TRAPPC9: variants seen among roughly 807,000 people sequenced by gnomAD.
TRAPPC9 encodes the protein trafficking protein particle complex subunit 9, also known as IKK2 binding protein.
A neutral mutation model predicts 124.0 loss-of-function variants in TRAPPC9; 83 were observed. The observed-to-expected ratio is 0.67, with a 90% CI of 0.56 to 0.80. TRAPPC9 has a LOEUF of 0.80. Ranked by LOEUF, TRAPPC9 falls within the 30% of genes least tolerant of loss-of-function variation. TRAPPC9 has a pLI of 0.00. For missense variants in TRAPPC9, 1,302 were observed against 1,508.3 expected, an observed-to-expected ratio of 0.86 and a Z score of 2.27; for synonymous variants, 638 against 617.5, an observed-to-expected ratio of 1.03 and a Z score of -0.49.
chr8:139,921,669 C>T (rs1832510585), intron 19 of TRAPPC9, among the ~76,000 whole-genome samples: 1 of 149,784 alleles, frequency 6.7e-6, no homozygotes, highest in African/African-American at 2.5e-5. Context: ...TTGCAAAGAG[C>T]CAGGTGGACT....
At chr8:140,111,761 G>C (rs902737616) in intron 17 of TRAPPC9, among the ~76,000 whole-genome samples, 1 of 152,268 alleles carries the variant, frequency 6.6e-6, no homozygotes, top group African/African-American at 2.4e-5. Flanking sequence ...TCGCTGTTAA[G>C]AACAAGGCAA....
chr8:140,229,706 C>T (rs1164828313), intron 16 of TRAPPC9, among the ~76,000 whole-genome samples: 3 of 151,970 alleles, frequency 2.0e-5, no homozygotes, highest in South Asian at 2.1e-4. Context: ...TACAGGCGCA[C>T]GCCACCACAC....
chr8:139,811,430 C>A (rs1019657030), intron 21 of TRAPPC9, among the ~76,000 whole-genome samples: 6 of 152,318 alleles, frequency 3.9e-5, no homozygotes, highest in Non-Finnish European at 8.8e-5. Context: ...GTTTTGATGC[C>A]TGTGTTTGTT....
At chr8:139,847,020 AC>A (rs1415322387) in intron 21 of TRAPPC9, among the ~76,000 whole-genome samples, 1 of 152,238 alleles carries the variant, frequency 6.6e-6, no homozygotes, top group African/African-American at 2.4e-5. Context: ...TTAAGAGATG[AC>A]TGTGTGCCGA....
At position 140,018,715 on chromosome 8, in the gene TRAPPC9, T is replaced by C. The variant is rs1839639967; in HGVS notation, c.2699+5222A>G. 1.3e-5 allele frequency among the ~76,000 whole-genome samples: 2 copies of C among 152,206 alleles called. 1 individual carries two copies. Among genetic ancestry groups the C allele is most frequent in the South Asian group, 4.1e-4 (2 of 4,832 alleles). On this transcript the variant is annotated intron_variant, in intron 18 of 22. Transcript: ENST00000438773. ...TACTAATTTCTTTGGTGTGGCAGAT[T>C]TCTCACAATATTTATGTACATAATC...
Position 140,104,514 on chromosome 8 carries a change from G to A in TRAPPC9, c.2557-80435C>T, listed in dbSNP as rs2060631071. 1.3e-5 allele frequency among the ~76,000 whole-genome samples: 2 copies of A among 152,152 alleles called. No homozygotes were observed. Among genetic ancestry groups the A allele is most frequent in the Admixed American group, 1.3e-4 (2 of 15,278 alleles). On this transcript the variant is annotated intron_variant, in intron 17 of 22. Transcript: ENST00000438773. The surrounding 1 kb of genome is among the most constrained non-coding windows in gnomAD (Gnocchi z 4.0). ...TAATATGCAAGTAGTATGATGGCAC[G>A]ATGGGGGGAGCTGTGAACTAGCTAG...
intron 5 of TRAPPC9, among the ~76,000 whole-genome samples, chr8:140,413,467 G>A (rs187640918): frequency 6.6e-6 from 1 of 151,104 alleles, no homozygotes; most frequent in Admixed American, 6.6e-5. Flanking sequence ...GCCAGCCTTT[G>A]GCTTTACTGA....
intron 17 of TRAPPC9, among the ~76,000 whole-genome samples, chr8:140,053,332 G>C (rs959430540): frequency 6.6e-6 from 1 of 152,202 alleles, no homozygotes; most frequent in African/African-American, 2.4e-5. Flanking sequence ...TGTTGTCCAG[G>C]AGTGTGCTGC....
intron 17 of TRAPPC9, among the ~76,000 whole-genome samples, chr8:140,102,243 G>A (rs2060593373): frequency 6.6e-6 from 1 of 152,150 alleles, no homozygotes; most frequent in Admixed American, 6.5e-5. Context: ...CTCAAAGTTT[G>A]TAACACTCTG....
intron 7 of TRAPPC9, among the ~76,000 whole-genome samples, chr8:140,396,234 C>T (rs1447518113): frequency 6.6e-6 from 1 of 151,134 alleles, no homozygotes; most frequent in Non-Finnish European, 1.5e-5. Flanking sequence ...CTCTGCCTCC[C>T]AGGTTCACGC....
At chr8:140,034,849 G>A (rs1280863576) in intron 17 of TRAPPC9, among the ~76,000 whole-genome samples, 5 of 152,226 alleles carry the variant, frequency 3.3e-5, no homozygotes, top group South Asian at 2.1e-4. Flanking sequence ...CTGCTCTTCC[G>A]GCAGCCCTAT....
At chr8:140,269,758 T>C (rs2064819159) in intron 15 of TRAPPC9, among the ~76,000 whole-genome samples, 1 of 152,028 alleles carries the variant, frequency 6.6e-6, no homozygotes. Context: ...GAGGATGGAA[T>C]GATGGTTGAT....
At chr8:140,448,145 CAA>C (rs56941791) in intron 2 of TRAPPC9, among the ~76,000 whole-genome samples, 12,506 of 90,336 alleles carry the variant, frequency 0.14, 625 homozygotes, top group African/African-American at 0.18. Flanking sequence ...GACACCATCT[CAA>C]AAAAAAAAAA....
chr8:140,396,910 G>A (rs2069112115), intron 7 of TRAPPC9, among the ~76,000 whole-genome samples: 1 of 152,058 alleles, frequency 6.6e-6, no homozygotes, highest in Non-Finnish European at 1.5e-5. Context: ...CTGTCAGATG[G>A]ATGAGGACAG....
At chr8:139,811,640 G>A (rs1824451510) in intron 21 of TRAPPC9, among the ~76,000 whole-genome samples, 1 of 152,242 alleles carries the variant, frequency 6.6e-6, no homozygotes, top group Non-Finnish European at 1.5e-5. Context: ...CAATAGGGTG[G>A]AGGGAGCTTG....
chr8:140,014,936 T>C (rs908801885), intron 18 of TRAPPC9, among the ~76,000 whole-genome samples: 2 of 152,184 alleles, frequency 1.3e-5, no homozygotes, highest in Non-Finnish European at 2.9e-5. Context: ...CATGCTCTCA[T>C]ATAGAAAACC....
At chr8:140,138,872 G>A (rs1306292308) in intron 17 of TRAPPC9, among the ~76,000 whole-genome samples, 3 of 152,056 alleles carry the variant, frequency 2.0e-5, no homozygotes, top group Non-Finnish European at 2.9e-5. Context: ...CCTGATCTAG[G>A]GAGTGGCCAA....
intron 17 of TRAPPC9, among the ~76,000 whole-genome samples, chr8:140,037,795 C>T (rs562453090): frequency 2.7e-5 from 4 of 147,462 alleles, no homozygotes; most frequent in African/African-American, 7.4e-5. Flanking sequence ...ACACCACACG[C>T]ACACCCAACA....
chr8:140,012,760 G>C (rs75094298), intron 18 of TRAPPC9, among the ~76,000 whole-genome samples: 2 of 152,120 alleles, frequency 1.3e-5, no homozygotes, highest in African/African-American at 4.8e-5. Context: ...GGGGCAACAC[G>C]TTCTCTAGCC....
Sources: gnomAD v4.1 joint callset for allele counts (sites outside exome capture counted in the v4.1 genomes callset) on GRCh38, gnomAD v4.1.1 for gene constraint, Gnocchi (gnomAD v3.1) non-coding constraint, MANE v1.5 for transcripts, NCBI Gene and HGNC (gene_info 2026-07-23, HGNC 2026-07-21) for gene names.